ZFYVE26: variants seen among roughly 807,000 people sequenced by gnomAD.
The protein encoded by ZFYVE26 is zinc finger FYVE domain-containing protein 26.
A neutral mutation model predicts 276.5 loss-of-function variants in ZFYVE26; 181 were observed. That is an observed-to-expected ratio of 0.65 (90% CI 0.58 to 0.74). ZFYVE26 has a LOEUF of 0.74. Ranked by LOEUF, ZFYVE26 falls within the 30% of genes least tolerant of loss-of-function variation. ZFYVE26 has a pLI of 0.00. For synonymous variants in ZFYVE26, 1,129 were observed against 1,203.1 expected (o/e 0.94, Z 1.27); for missense variants, 2,821 against 3,097.9 (o/e 0.91, Z 2.12).
At chr14:67,763,108 T>C (rs988635694) in intron 32 of ZFYVE26, among the ~76,000 whole-genome samples, 9 of 152,226 alleles carry the variant, frequency 5.9e-5, no homozygotes, top group Admixed American at 2.0e-4. Context: ...CTTCACCACG[T>C]TGGCCAGGCT....
chr14:67,761,113 C>CA, intron 35 of ZFYVE26: 1 of 645,218 alleles, frequency 1.5e-6, no homozygotes, highest in Non-Finnish European at 2.8e-6. Context: ...GATTCTGCTG[C>CA]ATGTTTTGGC....
Position 67,815,805 on chromosome 14 carries a change from T to C in ZFYVE26, c.159A>G (p.Ile53Met), listed in dbSNP as rs2040390618. ...TTGGACACACCACCAATGCCTGAAG[T>C]ATGTCTTCTACCCTCTTTGGGATAT... ...QGDIPKRVED[I>M]LQALVVCPNL... Residue 53 changes from isoleucine (I) to methionine (M), a missense_variant, in exon 2 of 42, where the codon ATA becomes ATG. Ile to Met is a conservative substitution (Grantham distance 10). Coordinates refer to ENST00000347230, the MANE Select transcript of ZFYVE26 (RefSeq NM_015346.4). 2 of 1,613,682 alleles carry C rather than the reference T, an allele frequency of 1.2e-6. No individual in the cohort carries two copies. Among genetic ancestry groups the C allele is most frequent in the South Asian group, 2.2e-5 (2 of 91,066 alleles).
chr14:67,734,619 G>GT (rs1387385397), intron 13 of ZFYVE26, among the ~76,000 whole-genome samples: 5 of 152,204 alleles, frequency 3.3e-5, no homozygotes, highest in Non-Finnish European at 7.3e-5. Context: ...CAGCTGGAAT[G>GT]TAAGATCCTC....
At chr14:67,762,105 G>T in intron 34 of ZFYVE26, 98 bp downstream of exon 34, 2 of 1,432,562 alleles carry the variant, frequency 1.4e-6, no homozygotes, top group South Asian at 1.2e-5. Flanking sequence ...AGCCAGGACT[G>T]ACACTGTTAG....
chr14:67,797,617 G>C (rs1594929452), intron 12 of ZFYVE26, 55 bp downstream of exon 12: 4 of 1,566,516 alleles, frequency 2.6e-6, no homozygotes, highest in Non-Finnish European at 1.8e-6. Context: ...AAGAGTATTA[G>C]ACAAGCAGCA....
At chr14:67,729,783 G>T in exon 14 of ZFYVE26, 1 of 501,388 alleles carries the variant, frequency 2.0e-6, no homozygotes, top group East Asian at 5.5e-5. Context: ...TCTTCGGTGT[G>T]AACTCTGTCC....
intron 3 of ZFYVE26, among the ~76,000 whole-genome samples, chr14:67,811,887 T>C (rs1023356444): frequency 6.8e-6 from 1 of 148,056 alleles, no homozygotes; most frequent in Non-Finnish European, 1.5e-5. Context: ...ATAACAAATA[T>C]AAAATATATG....
At chr14:67,809,174 C>G (rs1410855260) in intron 4 of ZFYVE26, 26 bp downstream of exon 4, 18 of 1,588,310 alleles carry the variant, frequency 1.1e-5, no homozygotes, top group Non-Finnish European at 1.6e-5. Context: ...CAACCCTGGG[C>G]AGATGGTACC....
chr14:67,789,319 A>G lies in ZFYVE26; in HGVS notation c.3019+16T>C, dbSNP rs374923137. 6.2e-7 allele frequency: 1 copy of G among 1,613,864 alleles called. No individual in the cohort carries two copies. The highest frequency in any genetic ancestry group is 1.3e-5 in the African/African-American group (1 of 74,916). ...CATTTGAGAATGAAGGGATACAGCT[A>G]ACACAGCACACTCACCCCGCCTTTC... On this transcript the variant is annotated intron_variant, in intron 16 of 41. Coordinates refer to ENST00000347230, the MANE Select transcript of ZFYVE26 (RefSeq NM_015346.4).
At chr14:67,766,483 G>A in intron 31 of ZFYVE26, 36 bp from the exon 32 acceptor site, 1 of 1,598,012 alleles carries the variant, frequency 6.3e-7, no homozygotes, top group Non-Finnish European at 8.6e-7. Context: ...CACACGGTGA[G>A]TCCAGGGGCC....
At chr14:67,732,584 T>C (rs1873978267) in intron 13 of ZFYVE26, among the ~76,000 whole-genome samples, 1 of 151,836 alleles carries the variant, frequency 6.6e-6, no homozygotes, top group Admixed American at 6.6e-5. Flanking sequence ...GATAGACTTT[T>C]CTTTTTTTTG....
rs2140234135 is a variant in ZFYVE26, at chr14:67,790,714, C to T, written c.2613G>A (p.Glu871=). The stretch of plus-strand genomic sequence containing the variant: ...GTTCTTGGATCACTTCCTGGTAGCG[C>T]TCCATGAACATCAGTTCCCCTGAAC... ...SPSSGELMFM[E]RYQEVIQELA... Residue 871 remains glutamate (E), a synonymous_variant, in exon 15 of 42, where the codon GAG becomes GAA. Coordinates refer to ENST00000347230, the MANE Select transcript of ZFYVE26 (RefSeq NM_015346.4). 6.2e-7 allele frequency: 1 copy of T among 1,614,210 alleles called. No individual in the cohort carries two copies. Among genetic ancestry groups the T allele is most frequent in the Non-Finnish European group, 8.5e-7 (1 of 1,180,032 alleles).
rs895598535 is a variant in ZFYVE26 at position 67,816,586 on chromosome 14, G to A, written c.-136C>T. On this transcript the variant is annotated 5_prime_UTR_variant, in exon 1 of 42. Transcript: ENST00000347230. The stretch of plus-strand genomic sequence containing the variant: ...CTCTCAGCGCAGCCATGTTTGAGCC[G>A]AGTCAGGTGACAGAACCCACTCCGA... 6.6e-6 allele frequency: 1 copy of A among 152,386 alleles called. No individual in the cohort carries two copies. The highest frequency in any genetic ancestry group is 6.5e-5 in the Admixed American group (1 of 15,290). The allele number at this position is 152,386 out of a possible 1,614,324, so 9.4% of individuals were successfully genotyped here. A position where few individuals can be genotyped will look rare whatever the true frequency, so the allele number is the denominator to read the frequency against.
intron 3 of ZFYVE26, among the ~76,000 whole-genome samples, chr14:67,813,053 C>G (rs568574574): frequency 3.9e-5 from 6 of 152,292 alleles, no homozygotes; most frequent in Admixed American, 1.3e-4. Flanking sequence ...ATTTCTGTTA[C>G]TTTTTGACAG....
intron 10 of ZFYVE26, among the ~76,000 whole-genome samples, chr14:67,801,555 A>C (rs2040079564): frequency 6.6e-6 from 1 of 152,218 alleles, no homozygotes. Flanking sequence ...CACAGAAGGC[A>C]AGTTAAATTA....
At chr14:67,799,493 A>G (rs7143521) in intron 10 of ZFYVE26, 26,351 of 1,606,482 alleles carry the variant, frequency 0.016, 512 homozygotes, top group African/African-American at 0.08. Context: ...CATTCAGAGC[A>G]GACAAAAGGA....
chr14:67,779,911 G>A (rs1182466014), intron 23 of ZFYVE26, among the ~76,000 whole-genome samples: 5 of 152,034 alleles, frequency 3.3e-5, no homozygotes, highest in Admixed American at 6.6e-5. Flanking sequence ...TCGCTCTGTC[G>A]TCCAGGCTAG....
At position 67,793,667 on chromosome 14, in the gene ZFYVE26, G is replaced by A; in HGVS notation, c.2494C>T (p.Pro832Ser). ...CAGGATGCCAGCAGTGACTCAGGTG[G>A]GGAGAACATCATGGGGATGAGTGAA... Reference protein sequence around the residue: ...QSSLIPMMFSPPESLLASCIL... With the variant: ...QSSLIPMMFSSPESLLASCIL... Residue 832 changes from proline (P) to serine (S), a missense_variant, in exon 14 of 42, where the codon CCA becomes TCA. Physicochemically the swap from Pro to Ser is moderately conservative, Grantham distance 74. Transcript: ENST00000347230. The A allele has an allele frequency of 1.9e-6, 3 of 1,613,860 alleles. No homozygotes were observed. Among genetic ancestry groups the A allele is most frequent in the Non-Finnish European group, 2.5e-6 (3 of 1,179,880 alleles).
chr14:67,781,644 G>T, intron 21 of ZFYVE26, 115 bp from the exon 22 acceptor site: 2 of 946,530 alleles, frequency 2.1e-6, no homozygotes, highest in Non-Finnish European at 3.3e-6. Flanking sequence ...GGAGCTTGGA[G>T]GATCCTTAAG....
Sources: gnomAD v4.1 joint callset for allele counts (sites outside exome capture counted in the v4.1 genomes callset) on GRCh38, gnomAD v4.1.1 for gene constraint, MANE v1.5 for transcripts, NCBI Gene and HGNC (gene_info 2026-07-23, HGNC 2026-07-21) for gene names.